TBC1D5: variants seen among roughly 807,000 people sequenced by gnomAD.
The protein encoded by TBC1D5 is TBC1 domain family member 5.
In TBC1D5, 75 loss-of-function variants were observed where a neutral mutation model predicts 100.3. That is an observed-to-expected ratio of 0.75 (90% CI 0.62 to 0.91). The LOEUF (loss-of-function observed/expected upper bound fraction) is 0.91. Among genes scored for constraint, TBC1D5 ranks in the 40% least tolerant of loss-of-function variants. TBC1D5 has a pLI of 0.00. For synonymous variants in TBC1D5, 323 were observed against 325.6 expected, an observed-to-expected ratio of 0.99 and a Z score of 0.09; for missense variants, 910 against 942.4, an observed-to-expected ratio of 0.97 and a Z score of 0.45.
At chr3:17,568,532 G>A (rs908899157) in intron 2 of TBC1D5, among the ~76,000 whole-genome samples, 4 of 151,342 alleles carry the variant, frequency 2.6e-5, no homozygotes, top group African/African-American at 9.7e-5. Flanking sequence ...CAAAGTCAAT[G>A]ACAAATATAT....
intron 13 of TBC1D5, among the ~76,000 whole-genome samples, chr3:17,318,592 A>G (rs1402896481): frequency 6.6e-6 from 1 of 152,212 alleles, no homozygotes; most frequent in African/African-American, 2.4e-5. Context: ...TTTTACTGAT[A>G]TATCAACAAA....
chr3:17,689,900 T>TCC (rs61658104), intron 1 of TBC1D5, among the ~76,000 whole-genome samples: 1 of 151,482 alleles, frequency 6.6e-6, no homozygotes, highest in African/African-American at 2.4e-5. Flanking sequence ...ATAGGACCCC[T>TCC]CCCCCCCAAA....
intron 1 of TBC1D5, among the ~76,000 whole-genome samples, chr3:17,631,557 C>G (rs1041999549): frequency 6.6e-6 from 1 of 152,222 alleles, no homozygotes; most frequent in African/African-American, 2.4e-5. Context: ...TTAGGACTTT[C>G]ATAGCTAGAC....
chr3:17,307,977 G>A lies in TBC1D5; in HGVS notation c.1138+15C>T. 1 of 1,595,634 alleles carries A rather than the reference G, an allele frequency of 6.3e-7. No individual in the cohort carries two copies. The highest frequency in any genetic ancestry group is 8.5e-7 in the Non-Finnish European group (1 of 1,174,678). On this transcript the variant is annotated intron_variant, in intron 14 of 21. Transcript: ENST00000253692. ...GAGTACCTAGTCAAATGTAGGAAAG[G>A]TCATTAATACTTACAAGCATCTCGG... is the stretch of plus-strand genomic sequence containing the variant.
At chr3:17,409,152 G>C (rs141257770) in intron 4 of TBC1D5, among the ~76,000 whole-genome samples, 1 of 152,228 alleles carries the variant, frequency 6.6e-6, no homozygotes, top group African/African-American at 2.4e-5. Context: ...TGGCAACCTT[G>C]CATTGAGCAA....
intron 15 of TBC1D5, among the ~76,000 whole-genome samples, chr3:17,265,520 G>C (rs2078756590): frequency 6.6e-6 from 1 of 152,100 alleles, no homozygotes; most frequent in African/African-American, 2.4e-5. Context: ...ATATGTTATT[G>C]CCTCAATGCT....
At chr3:17,486,387 G>C (rs943990093) in intron 3 of TBC1D5, among the ~76,000 whole-genome samples, 33 of 152,062 alleles carry the variant, frequency 2.2e-4, no homozygotes, top group Admixed American at 2.2e-3. Context: ...CATTGCTTTT[G>C]GTGTTTTAGA....
intron 1 of TBC1D5, among the ~76,000 whole-genome samples, chr3:17,629,631 T>G (rs1292718518): frequency 6.6e-6 from 1 of 152,166 alleles, no homozygotes; most frequent in Non-Finnish European, 1.5e-5. Context: ...AAATAAGCTT[T>G]AGTGAGAAAG....
At chr3:17,720,188 C>A (rs117826382) in intron 1 of TBC1D5, among the ~76,000 whole-genome samples, 2,517 of 152,212 alleles carry the variant, frequency 0.017, 52 homozygotes, top group South Asian at 0.047. Context: ...GAAGATCCTG[C>A]AACTTTTTAA....
chr3:17,530,359 T>C (rs1327507555), intron 2 of TBC1D5, among the ~76,000 whole-genome samples: 1 of 151,734 alleles, frequency 6.6e-6, no homozygotes, highest in Non-Finnish European at 1.5e-5. Flanking sequence ...TGGGGGGTGG[T>C]TACAACTAAA....
chr3:17,197,524 G>A (rs2125738341), intron 18 of TBC1D5, among the ~76,000 whole-genome samples: 1 of 152,198 alleles, frequency 6.6e-6, no homozygotes, highest in Admixed American at 6.5e-5. Flanking sequence ...TTACAGGTGT[G>A]TGCCACCAAG....
At chr3:17,661,644 G>C (rs1291392202) in intron 1 of TBC1D5, among the ~76,000 whole-genome samples, 1 of 151,792 alleles carries the variant, frequency 6.6e-6, no homozygotes, top group Non-Finnish European at 1.5e-5. Flanking sequence ...GGGACTACAG[G>C]CGCCTGCCAC....
At chr3:17,724,946 T>A (rs142096190) in intron 1 of TBC1D5, among the ~76,000 whole-genome samples, 1 of 152,204 alleles carries the variant, frequency 6.6e-6, no homozygotes, top group African/African-American at 2.4e-5. Context: ...TTTTTCATTA[T>A]AATTATTACT....
At chr3:17,367,167 AAC>A (rs1380521512) in intron 13 of TBC1D5, among the ~76,000 whole-genome samples, 4 of 152,318 alleles carry the variant, frequency 2.6e-5, no homozygotes, top group African/African-American at 9.6e-5. Flanking sequence ...GTGATAATAA[AAC>A]AGTTATTCTG....
chr3:17,269,569 G>A (rs988892045), intron 15 of TBC1D5, among the ~76,000 whole-genome samples: 3 of 152,014 alleles, frequency 2.0e-5, no homozygotes, highest in African/African-American at 7.2e-5. Flanking sequence ...AAAGGTTTGG[G>A]CTTCTATTAA....
chr3:17,289,825 G>A (rs932185351), intron 15 of TBC1D5, among the ~76,000 whole-genome samples: 1 of 152,084 alleles, frequency 6.6e-6, no homozygotes, highest in Non-Finnish European at 1.5e-5. Flanking sequence ...TCCTAACTCA[G>A]GTTCCTTACG....
intron 1 of TBC1D5, among the ~76,000 whole-genome samples, chr3:17,726,701 G>A (rs1029413996): frequency 6.6e-6 from 1 of 152,118 alleles, no homozygotes; most frequent in Non-Finnish European, 1.5e-5. Context: ...TTGCTGCTAC[G>A]CATGTTAGCT....
At chr3:17,620,906 C>T (rs1176336873) in intron 2 of TBC1D5, among the ~76,000 whole-genome samples, 1 of 152,096 alleles carries the variant, frequency 6.6e-6, no homozygotes, top group Non-Finnish European at 1.5e-5. Flanking sequence ...ATTATGAGAA[C>T]AGTATTTGGT....
chr3:17,559,835 C>A (rs1319177661), intron 2 of TBC1D5, among the ~76,000 whole-genome samples: 2 of 152,084 alleles, frequency 1.3e-5, no homozygotes, highest in Non-Finnish European at 2.9e-5. Flanking sequence ...ATGATCCGCC[C>A]ATCTCAGCCT....
Sources: allele counts gnomAD v4.1 joint callset (sites outside exome capture counted in the v4.1 genomes callset), GRCh38; gene constraint gnomAD v4.1.1; transcripts MANE v1.5; gene names NCBI Gene and HGNC (gene_info 2026-07-23, HGNC 2026-07-21).